Variants in WASHC3 observed in about 807,000 individuals in gnomAD.
WASHC3 encodes the protein WASH complex subunit 3.
A neutral mutation model predicts 26.1 loss-of-function variants in WASHC3; 24 were observed. That is an observed-to-expected ratio of 0.92 (90% confidence interval 0.66 to 1.29). The LOEUF is 1.29. WASHC3 is among the 50% of genes most tolerant of loss of function. WASHC3 has a pLI of 0.00. For synonymous variants in WASHC3, 77 were observed against 75.7 expected (o/e 1.02, Z -0.09); for missense variants, 214 against 229.6 (o/e 0.93, Z 0.44).
In WASHC3 at chr12:102,026,036, A is replaced by G. The variant is rs1207042489; in HGVS notation, c.438T>C (p.Gly146=). ...YARYLKMVQV[G]VPVMAIRNKM... ...TGTTTCTTATTGCCATCACTGGTAC[A>G]CCCTAAGCAAAGGATATAAGATAAT... Residue 146 remains glycine (G), a splice_region_variant and synonymous_variant, in exon 6 of 7, where the codon GGT becomes GGC. Coordinates refer to ENST00000240079, the MANE Select transcript of WASHC3 (RefSeq NM_016053.4). 7.9e-6 allele frequency: 12 copies of G among 1,527,210 alleles called. No homozygotes were observed. Among genetic ancestry groups the G allele is most frequent in the Admixed American group, 1.9e-5 (1 of 52,100 alleles). The allele number at this position is 1,527,210 out of a possible 1,614,324, so 94.6% of individuals were successfully genotyped here. A position where few individuals can be genotyped will look rare whatever the true frequency, so the allele number is the denominator to read the frequency against.
chr12:102,019,642 A>T (rs1186905040), intron 6 of WASHC3, among the ~76,000 whole-genome samples: 1 of 152,214 alleles, frequency 6.6e-6, no homozygotes, highest in Non-Finnish European at 1.5e-5. Context: ...CAATAAAAAC[A>T]CTAGCTTGGT....
intron 2 of WASHC3, chr12:102,048,258 T>C (rs1369524005): frequency 6.6e-6 from 1 of 151,976 alleles, no homozygotes; most frequent in Non-Finnish European, 1.5e-5. Context: ...AAATTCAGCA[T>C]TGTTTAAAAA....
intron 2 of WASHC3, among the ~76,000 whole-genome samples, chr12:102,058,354 C>T (rs984792920): frequency 9.2e-5 from 14 of 152,012 alleles, no homozygotes; most frequent in Admixed American, 7.9e-4. Flanking sequence ...TTGGTCTGGG[C>T]AATGACTTTT....
intron 2 of WASHC3, 68 bp from the exon 3 acceptor site, chr12:102,046,187 G>A: frequency 1.2e-6 from 1 of 838,440 alleles, no homozygotes; most frequent in South Asian, 1.5e-5. Flanking sequence ...ACTAAGGGCA[G>A]ATATGAAAAT....
upstream of WASHC3, chr12:102,062,005 TC>T (rs1421448017): frequency 6.5e-7 from 1 of 1,534,340 alleles, no homozygotes; most frequent in Non-Finnish European, 8.9e-7. Flanking sequence ...CACAAACCCC[TC>T]CCAGATGGGG....
intron 5 of WASHC3, among the ~76,000 whole-genome samples, chr12:102,033,886 T>C (rs1361177042): frequency 2.0e-5 from 3 of 152,110 alleles, no homozygotes; most frequent in Non-Finnish European, 2.9e-5. Context: ...GTCATACTAA[T>C]GGACAAATTA....
intron 2 of WASHC3, among the ~76,000 whole-genome samples, chr12:102,049,493 T>C (rs1878303007): frequency 6.6e-6 from 1 of 152,150 alleles, no homozygotes; most frequent in South Asian, 2.1e-4. Flanking sequence ...GTCCCTGATA[T>C]TTGTCAGATA....
At chr12:102,056,473 A>G (rs1052973712) in intron 2 of WASHC3, among the ~76,000 whole-genome samples, 3 of 152,174 alleles carry the variant, frequency 2.0e-5, no homozygotes, top group Non-Finnish European at 4.4e-5. Flanking sequence ...GAGTGATTCT[A>G]TATCTTGTTC....
At position 102,061,904 on chromosome 12, in the gene WASHC3, T is replaced by C. The variant is rs1171521025; in HGVS notation, c.51+8A>G. On this transcript the variant is annotated splice_region_variant and intron_variant, in intron 1 of 6. Transcript: ENST00000240079. ...CTCGTCGGGAGTCTAGCACCGTCTTTTACAAACCTTGGTCAGGTCTATGCC... is the reference window on the plus strand; with the variant it reads ...CTCGTCGGGAGTCTAGCACCGTCTTCTACAAACCTTGGTCAGGTCTATGCC... 3 of 1,595,172 alleles carry C rather than the reference T, an allele frequency of 1.9e-6. No individual in the cohort carries two copies. The highest frequency in any genetic ancestry group is 3.5e-5 in the Admixed American group (2 of 57,876).
At chr12:102,049,340 C>G (rs1878297237) in intron 2 of WASHC3, among the ~76,000 whole-genome samples, 1 of 152,190 alleles carries the variant, frequency 6.6e-6, no homozygotes. Flanking sequence ...TAATCGGTGA[C>G]AGTAGCTGTT....
At chr12:102,026,111 C>G (rs140222478) in intron 5 of WASHC3, 73 bp from the exon 6 acceptor site, 118 of 779,122 alleles carry the variant, frequency 1.5e-4, no homozygotes, top group Non-Finnish European at 2.2e-4. Context: ...CCATCTAAAA[C>G]AAGACCTTCA....
chr12:102,053,176 ACCAGGC>A (rs1878461000), intron 2 of WASHC3, among the ~76,000 whole-genome samples: 1 of 151,528 alleles, frequency 6.6e-6, no homozygotes, highest in African/African-American at 2.4e-5. Context: ...GGTTCCAAGC[ACCAGGC>A]CCACCTTGGA....
chr12:102,018,440 A>G (rs1345570452), intron 6 of WASHC3, among the ~76,000 whole-genome samples: 1 of 152,068 alleles, frequency 6.6e-6, no homozygotes, highest in South Asian at 2.1e-4. Context: ...AGGGGCTCCA[A>G]TTTCTTCATA....
chr12:102,013,167 C>T lies in WASHC3; in HGVS notation c.526G>A (p.Gly176Ser). ...LERPDAPVPDGESEKTVEESS... is the reference protein window; with the variant it reads ...LERPDAPVPDSESEKTVEESS... Reference sequence around the variant, plus strand: ...TCTTCTACAGTTTTCTCACTTTCGCCATCAGGCACTGGAGCATCTGGCCTC... The same window carrying T: ...TCTTCTACAGTTTTCTCACTTTCGCTATCAGGCACTGGAGCATCTGGCCTC... The change falls in exon 7 of 7, where the codon GGC (glycine) becomes AGC (serine). Residue 176 changes from glycine to serine, a missense_variant. Gly to Ser is a moderately conservative substitution (Grantham distance 56, BLOSUM62 0). Transcript: ENST00000240079. 6.5e-7 allele frequency: 1 copy of T among 1,547,524 alleles called. No homozygotes were observed.
intron 1 of WASHC3, 39 bp from the exon 2 acceptor site, chr12:102,061,385 A>G (rs1428763481): frequency 7.6e-7 from 1 of 1,312,464 alleles, no homozygotes; most frequent in Admixed American, 1.7e-5. Context: ...ATACAGGAGG[A>G]ACGTACACAG....
chr12:102,060,139 A>G (rs1878743301), intron 2 of WASHC3, among the ~76,000 whole-genome samples: 1 of 152,220 alleles, frequency 6.6e-6, no homozygotes, highest in Non-Finnish European at 1.5e-5. Context: ...ACCTTACATA[A>G]GACAGAATGT....
At chr12:102,050,838 T>G (rs761903159) in intron 2 of WASHC3, among the ~76,000 whole-genome samples, 1 of 152,238 alleles carries the variant, frequency 6.6e-6, no homozygotes, top group East Asian at 1.9e-4. Context: ...TCCCAATGGA[T>G]GACCATAAGA....
chr12:102,042,651 T>C (rs1460298626), intron 4 of WASHC3, among the ~76,000 whole-genome samples: 1 of 152,224 alleles, frequency 6.6e-6, no homozygotes, highest in Non-Finnish European at 1.5e-5. Flanking sequence ...AATTAGTTTA[T>C]GAAAGGCACT....
At chr12:102,050,633 AC>A (rs1476510552) in intron 2 of WASHC3, 1 of 446,262 alleles carries the variant, frequency 2.2e-6, no homozygotes, top group South Asian at 1.6e-5. Context: ...ATACAGCAAG[AC>A]CCCGTCTCGG....
Sources: gnomAD v4.1 joint callset for allele counts (sites outside exome capture counted in the v4.1 genomes callset) on GRCh38, gnomAD v4.1.1 for gene constraint, MANE v1.5 for transcripts, NCBI Gene and HGNC (gene_info 2026-07-23, HGNC 2026-07-21) for gene names.